CIBAR2: variants seen among roughly 807,000 people sequenced by gnomAD.
CIBAR2 encodes the protein CBY1 interacting BAR domain containing 2.
Under a neutral mutation model 36.2 loss-of-function variants are expected in CIBAR2, and 38 were observed. The observed-to-expected ratio is 1.05, with a 90% CI of 0.81 to 1.38. CIBAR2 has a LOEUF of 1.38. CIBAR2 is among the 40% of genes most tolerant of loss of function. The pLI, the probability that CIBAR2 is intolerant of heterozygous loss-of-function variation, is 0.00. For missense variants in CIBAR2, 481 were observed against 383.4 expected, an observed-to-expected ratio of 1.25 and a Z score of -2.13; for synonymous variants, 182 against 149.5, an observed-to-expected ratio of 1.22 and a Z score of -1.58.
At chr16:85,103,805 G>A (rs1261452075) in intron 6 of CIBAR2, among the ~76,000 whole-genome samples, 1 of 152,194 alleles carries the variant, frequency 6.6e-6, no homozygotes, top group Non-Finnish European at 1.5e-5. Flanking sequence ...TTCGGCAGGG[G>A]TCCTGTCCTG....
At position 85,099,007 on chromosome 16, in the gene CIBAR2, A is replaced by C; in HGVS notation, c.*178T>G. 1.5e-6 allele frequency: 1 copy of C among 674,006 alleles called. No individual in the cohort carries two copies. The highest frequency in any genetic ancestry group is 2.2e-6 in the Non-Finnish European group (1 of 453,902). The allele number at this position is 674,006 out of a possible 1,614,324, so 41.8% of individuals were successfully genotyped here. A position where few individuals can be genotyped will look rare whatever the true frequency, so the allele number is the denominator to read the frequency against. On this transcript the variant is annotated 3_prime_UTR_variant, in exon 9 of 9. Transcript: ENST00000539556. ...CTCACAGAAATGCAAAATGCTCTGG[A>C]AAGTCTCAGCAACAGAATTGAACAA...
At position 85,112,361 on chromosome 16, in the gene CIBAR2, G is replaced by C. The variant is rs773099347; in HGVS notation, c.-9C>G. 4 of 1,613,988 alleles carry C rather than the reference G, an allele frequency of 2.5e-6. No homozygotes were observed. The highest frequency in any genetic ancestry group is 1.7e-4 in the Middle Eastern group (1 of 6,058). On this transcript the variant is annotated 5_prime_UTR_variant, in exon 1 of 9. Coordinates refer to ENST00000539556, the MANE Select transcript of CIBAR2 (RefSeq NM_198491.3). ...GAGAAGACGATGTTCATTGTGACCA[G>C]AGCTTTGGCTGTCCCGGTGCTGGGG...
In CIBAR2 at chr16:85,100,202, A is replaced by T. The variant is rs2073944670; in HGVS notation, c.690T>A (p.Tyr230Ter). ...TGGTGTTGGCAAGCAGCCGAGTGTCATAATGCCCATAAACTCCTTGCATCT... is the reference window on the plus strand; with the variant it reads ...TGGTGTTGGCAAGCAGCCGAGTGTCTTAATGCCCATAAACTCCTTGCATCT... Reference protein sequence around the residue: ...RAKMQGVYGHYDTRLLANTSP... With the variant: ...RAKMQGVYGH Residue 230 changes from tyrosine to a stop codon, truncating the protein, a stop_gained, in exon 8 of 9, where the codon TAT becomes TAA. Transcript: ENST00000539556. LOFTEE classifies it high-confidence loss of function. 3 of 1,611,536 alleles carry T rather than the reference A, an allele frequency of 1.9e-6. No individual in the cohort carries two copies. Among genetic ancestry groups the T allele is most frequent in the South Asian group, 1.1e-5 (1 of 90,114 alleles).
At chr16:85,105,650 A>G (rs1021706376) in intron 5 of CIBAR2, among the ~76,000 whole-genome samples, 1 of 152,140 alleles carries the variant, frequency 6.6e-6, no homozygotes, top group African/African-American at 2.4e-5. Context: ...TAGCTGTGTG[A>G]CCTCAGGCAA....
At chr16:85,111,721 G>A (rs771268082) in intron 1 of CIBAR2, among the ~76,000 whole-genome samples, 112 of 152,230 alleles carry the variant, frequency 7.4e-4, no homozygotes, top group Admixed American at 2.2e-3. Flanking sequence ...TAGCACGCCT[G>A]TAGTCCCAGC....
rs1257578961 is a variant in CIBAR2 at position 85,112,421 on chromosome 16, G to A, written c.-69C>T. ...AGGGCCCCAGGGGTCCTGCAGGCCT[G>A]GGAGGAGCCGGGCAGGGCTGGGTGC... On this transcript the variant is annotated 5_prime_UTR_variant, in exon 1 of 9. Transcript: ENST00000539556. 3 of 1,489,000 alleles carry A rather than the reference G, an allele frequency of 2.0e-6. No individual in the cohort carries two copies. The East Asian group carries it at 6.8e-5, about 34-fold the overall frequency. 92.2% of individuals were successfully genotyped at this position (1,489,000 alleles called of 1,614,324 possible).
At chr16:85,100,332 G>T (rs767748190) in intron 7 of CIBAR2, 92 bp from the exon 8 acceptor site, 27 of 716,120 alleles carry the variant, frequency 3.8e-5, no homozygotes, top group East Asian at 2.5e-4. Context: ...GGACGAGAAG[G>T]CCCGAGACAG....
In CIBAR2 at chr16:85,099,123, C is replaced by T. The variant is rs552555450; in HGVS notation, c.*62G>A. The T allele has an allele frequency of 1.9e-5, 28 of 1,442,314 alleles. No individual in the cohort carries two copies. In the East Asian group the frequency reaches 7.0e-4, roughly 36 times the overall value. 89.3% of individuals were successfully genotyped at this position (1,442,314 alleles called of 1,614,324 possible). A position where few individuals can be genotyped will look rare whatever the true frequency, so the allele number is the denominator to read the frequency against. ...AGAAAAAAGAATCAGAAAATAAGAA[C>T]AAAGCCTCCAGGCAGTCTGGGATTA... On this transcript the variant is annotated 3_prime_UTR_variant, in exon 9 of 9. Coordinates refer to ENST00000539556, the MANE Select transcript of CIBAR2 (RefSeq NM_198491.3).
intron 1 of CIBAR2, among the ~76,000 whole-genome samples, chr16:85,111,792 C>T (rs555822983): frequency 1.3e-5 from 2 of 152,296 alleles, no homozygotes; most frequent in East Asian, 1.9e-4. Context: ...TGCAGTGAGC[C>T]GAGATCGAGA....
intron 1 of CIBAR2, 120 bp from the exon 2 acceptor site, chr16:85,110,580 G>C: frequency 1.5e-6 from 1 of 672,844 alleles, no homozygotes; most frequent in Middle Eastern, 2.8e-4. Context: ...GGTGTGGCAC[G>C]CACATGCCAC....
At chr16:85,106,014 G>T (rs143939206) in intron 5 of CIBAR2, among the ~76,000 whole-genome samples, 1 of 152,280 alleles carries the variant, frequency 6.6e-6, no homozygotes, top group Non-Finnish European at 1.5e-5. Context: ...TTAAAATGGG[G>T]ACTTAAAACC....
intron 1 of CIBAR2, among the ~76,000 whole-genome samples, 170 bp downstream of exon 1, chr16:85,112,163 G>C (rs900130715): frequency 2.0e-5 from 3 of 152,230 alleles, no homozygotes; most frequent in Non-Finnish European, 2.9e-5. Context: ...CCCAAGCCCT[G>C]TCTTCCCTGA....
chr16:85,111,583 C>T (rs62051665), intron 1 of CIBAR2, among the ~76,000 whole-genome samples: 25,748 of 152,222 alleles, frequency 0.17, 2,570 homozygotes, highest in Middle Eastern at 0.24. Flanking sequence ...CAGTGGCTCA[C>T]GCCTGTCATC....
chr16:85,109,689 G>T (rs1249878837), intron 2 of CIBAR2, among the ~76,000 whole-genome samples: 1 of 152,086 alleles, frequency 6.6e-6, no homozygotes, highest in African/African-American at 2.4e-5. Context: ...TTTAGAGATG[G>T]AGTCTTGCTA....
At position 85,102,319 on chromosome 16, in the gene CIBAR2, A is replaced by G. The variant is rs926632568; in HGVS notation, c.546T>C (p.Phe182=). ...CCATCTCAATAGTTACAAAGTCACA[A>G]AAAAATTTCTGTGGGGAGAGAAACC... is the stretch of plus-strand genomic sequence containing the variant. ...RQKLKDLQKF[F]CDFVTIEMVF... The change falls in exon 7 of 9, where the codon TTT becomes TTC. Residue 182 remains phenylalanine, a synonymous_variant. Coordinates refer to ENST00000539556, the MANE Select transcript of CIBAR2 (RefSeq NM_198491.3). 4 of 1,607,260 alleles carry G rather than the reference A, an allele frequency of 2.5e-6. No individual in the cohort carries two copies. Among genetic ancestry groups the G allele is most frequent in the South Asian group, 1.1e-5 (1 of 90,942 alleles).
intron 7 of CIBAR2, among the ~76,000 whole-genome samples, chr16:85,101,570 A>G (rs2073955535): frequency 6.6e-6 from 1 of 152,232 alleles, no homozygotes; most frequent in African/African-American, 2.4e-5. Flanking sequence ...GATTTTAACC[A>G]GATCAGAAGG....
intron 7 of CIBAR2, 55 bp from the exon 8 acceptor site, chr16:85,100,295 T>C: frequency 8.5e-7 from 1 of 1,178,722 alleles, no homozygotes; most frequent in Non-Finnish European, 1.2e-6. Flanking sequence ...CAGCGTGGGT[T>C]GGGGGAGTGG....
In CIBAR2 at chr16:85,098,723, G is replaced by T; in HGVS notation, c.*462C>A. On this transcript the variant is annotated 3_prime_UTR_variant, in exon 9 of 9. Coordinates refer to ENST00000539556, the MANE Select transcript of CIBAR2 (RefSeq NM_198491.3). ...ATAAAACGACAGCAACATCAGTAAT[G>T]ATAATGGCAGCAACAAGTCTCAAGT... The T allele has an allele frequency of 1.4e-6, 1 of 738,168 alleles. No homozygotes were observed. The highest frequency in any genetic ancestry group is 1.7e-6 in the Non-Finnish European group (1 of 603,856). The allele number at this position is 738,168 out of a possible 1,614,324, so 45.7% of individuals were successfully genotyped here. A position where few individuals can be genotyped will look rare whatever the true frequency, so the allele number is the denominator to read the frequency against.
At position 85,099,000 on chromosome 16, in the gene CIBAR2, G is replaced by T; in HGVS notation, c.*185C>A. On this transcript the variant is annotated 3_prime_UTR_variant, in exon 9 of 9. Transcript: ENST00000539556. ...GGATACACTCACAGAAATGCAAAAT[G>T]CTCTGGAAAGTCTCAGCAACAGAAT... 1.6e-6 allele frequency: 1 copy of T among 622,040 alleles called. No homozygotes were observed. The highest frequency in any genetic ancestry group is 2.4e-6 in the Non-Finnish European group (1 of 408,288). The allele number at this position is 622,040 out of a possible 1,614,324, so 38.5% of individuals were successfully genotyped here. A position where few individuals can be genotyped will look rare whatever the true frequency, so the allele number is the denominator to read the frequency against.
Sources: allele counts gnomAD v4.1 joint callset (sites outside exome capture counted in the v4.1 genomes callset), GRCh38; gene constraint gnomAD v4.1.1; transcripts MANE v1.5; gene names NCBI Gene and HGNC (gene_info 2026-07-23, HGNC 2026-07-21).